Variants in CSMD1 observed in about 807,000 individuals in gnomAD.
CSMD1 encodes the protein CUB and sushi domain-containing protein 1.
Under a neutral mutation model 417.5 loss-of-function variants are expected in CSMD1, and 213 were observed. The observed-to-expected ratio is 0.51, with a 90% CI of 0.46 to 0.57. The LOEUF (loss-of-function observed/expected upper bound fraction) is 0.57, where lower values mean the gene tolerates loss of function less well. CSMD1 is among the 20% of genes least tolerant of loss of function. The pLI is 0.00. For missense variants in CSMD1, 6,923 were observed against 4,529.7 expected (o/e 1.53, Z -15.17); for synonymous variants, 2,862 against 1,736.8 (o/e 1.65, Z -16.11).
chr8:4,878,949 G>A (rs1158289895), intron 1 of CSMD1, among the ~76,000 whole-genome samples: 1 of 151,792 alleles, frequency 6.6e-6, no homozygotes, highest in African/African-American at 2.4e-5. Context: ...AAGAGGACCT[G>A]CCAAGGCACA....
intron 1 of CSMD1, among the ~76,000 whole-genome samples, chr8:4,651,603 GC>G (rs575370386): frequency 1.4e-3 from 215 of 152,228 alleles, no homozygotes; most frequent in African/African-American, 4.9e-3. Context: ...GTAAAATGAG[GC>G]CCACATGGTT....
intron 3 of CSMD1, among the ~76,000 whole-genome samples, chr8:4,119,356 G>A (rs1802347278): frequency 6.6e-6 from 1 of 152,184 alleles, no homozygotes; most frequent in Non-Finnish European, 1.5e-5. Flanking sequence ...GGAATGCTAA[G>A]TGAACATTTT....
At chr8:4,693,113 C>G (rs1049031730) in intron 1 of CSMD1, among the ~76,000 whole-genome samples, 1 of 152,226 alleles carries the variant, frequency 6.6e-6, no homozygotes, top group African/African-American at 2.4e-5. Flanking sequence ...CCAGGGCCCA[C>G]TGGAATCTTC....
chr8:3,237,724 C>A (rs901907522), intron 26 of CSMD1, among the ~76,000 whole-genome samples: 1 of 135,762 alleles, frequency 7.4e-6, no homozygotes, highest in Non-Finnish European at 1.6e-5. Flanking sequence ...TATACTTATA[C>A]TACAAATATA....
chr8:4,738,532 C>G (rs1267803358), intron 1 of CSMD1, among the ~76,000 whole-genome samples: 1 of 152,064 alleles, frequency 6.6e-6, no homozygotes, highest in Non-Finnish European at 1.5e-5. Context: ...TCCACCTGGC[C>G]ACTCCCATAA....
At chr8:4,315,935 CCTTCT>C (rs1222670329) in intron 3 of CSMD1, among the ~76,000 whole-genome samples, 10 of 152,008 alleles carry the variant, frequency 6.6e-5, no homozygotes, top group African/African-American at 2.2e-4. Flanking sequence ...TGAAATATAA[CCTTCT>C]CTTAACTCCT....
At chr8:3,670,044 G>T (rs541736065) in intron 7 of CSMD1, among the ~76,000 whole-genome samples, 3 of 152,082 alleles carry the variant, frequency 2.0e-5, no homozygotes, top group Admixed American at 6.6e-5. Flanking sequence ...TGTTCCTAGG[G>T]TCTCACAATT....
At chr8:3,750,423 C>G (rs559010223) in intron 6 of CSMD1, among the ~76,000 whole-genome samples, 2 of 151,376 alleles carry the variant, frequency 1.3e-5, no homozygotes, top group South Asian at 4.2e-4. Context: ...GAAAATAACA[C>G]AATAATGTTT....
At chr8:3,860,918 G>C (rs538012681) in intron 5 of CSMD1, among the ~76,000 whole-genome samples, 2 of 152,262 alleles carry the variant, frequency 1.3e-5, no homozygotes, top group South Asian at 2.1e-4. Context: ...CTATACTATA[G>C]AATTATTTTT....
intron 5 of CSMD1, among the ~76,000 whole-genome samples, chr8:3,946,626 C>A (rs1459524033): frequency 6.6e-6 from 1 of 152,114 alleles, no homozygotes; most frequent in Non-Finnish European, 1.5e-5. Flanking sequence ...GTTGATCCTA[C>A]AGACCATCTA....
intron 3 of CSMD1, among the ~76,000 whole-genome samples, chr8:4,291,865 G>T (rs1021943732): frequency 6.6e-6 from 1 of 152,158 alleles, no homozygotes; most frequent in African/African-American, 2.4e-5. Context: ...TGTGAAATTA[G>T]AAGTTTCCTT....
chr8:3,690,605 G>T (rs183954049), intron 7 of CSMD1, among the ~76,000 whole-genome samples: 1 of 152,212 alleles, frequency 6.6e-6, no homozygotes, highest in South Asian at 2.1e-4. Flanking sequence ...CAACGGTACT[G>T]TGATGATATC....
At chr8:3,411,859 CACGTATAT>C (rs1812758108) in intron 12 of CSMD1, among the ~76,000 whole-genome samples, 1 of 110,666 alleles carries the variant, frequency 9.0e-6, no homozygotes, top group Non-Finnish European at 1.9e-5. Flanking sequence ...CGTATATATG[CACGTATAT>C]ATGCACGTAT....
At chr8:4,857,507 G>C (rs143489814) in intron 1 of CSMD1, among the ~76,000 whole-genome samples, 2,173 of 152,070 alleles carry the variant, frequency 0.014, 44 homozygotes, top group African/African-American at 0.048. Context: ...CAACAAAATT[G>C]ATAGACCGCT....
intron 54 of CSMD1, among the ~76,000 whole-genome samples, chr8:2,990,511 T>G (rs1585104423): frequency 6.6e-6 from 1 of 152,278 alleles, no homozygotes; most frequent in Non-Finnish European, 1.5e-5. Context: ...ACGAACCCAT[T>G]ATTATATAAT....
chr8:4,224,175 T>C (rs1429823576), intron 3 of CSMD1, among the ~76,000 whole-genome samples: 4 of 152,010 alleles, frequency 2.6e-5, no homozygotes, highest in Non-Finnish European at 4.4e-5. Flanking sequence ...CACAAAACTA[T>C]AGACAAGTGA....
chr8:4,607,585 C>A (rs1800944811), intron 2 of CSMD1, among the ~76,000 whole-genome samples: 2 of 152,178 alleles, frequency 1.3e-5, no homozygotes, highest in Admixed American at 1.3e-4. Flanking sequence ...CATTAGCATC[C>A]TAAACTCCAT....
intron 1 of CSMD1, among the ~76,000 whole-genome samples, chr8:4,660,844 G>A (rs1017403124): frequency 6.6e-6 from 1 of 151,766 alleles, no homozygotes; most frequent in African/African-American, 2.4e-5. Flanking sequence ...ATAGGCAGAT[G>A]GCAAATACCA....
intron 1 of CSMD1, among the ~76,000 whole-genome samples, chr8:4,886,284 A>T (rs1050931269): frequency 7.9e-5 from 12 of 151,992 alleles, no homozygotes; most frequent in Admixed American, 2.6e-4. Context: ...TTTGAGCTTC[A>T]ACTTTGTCAC....
Sources: gnomAD v4.1 joint callset for allele counts (sites outside exome capture counted in the v4.1 genomes callset) on GRCh38, gnomAD v4.1.1 for gene constraint, MANE v1.5 for transcripts, NCBI Gene and HGNC (gene_info 2026-07-23, HGNC 2026-07-21) for gene names.